The following CLEC1A variants were observed in gnomAD, a reference collection of about 807,000 sequenced individuals.
CLEC1A encodes the protein C-type lectin-like receptor-1.
CLEC1A carries 34 observed loss-of-function variants against 28.7 expected under a neutral mutation model. The observed-to-expected ratio is 1.18, with a 90% CI of 0.90 to 1.57. The LOEUF (loss-of-function observed/expected upper bound fraction) is 1.57. CLEC1A is among the 40% of genes most tolerant of loss of function. The pLI, the probability that CLEC1A is intolerant of heterozygous loss-of-function variation, is 0.00. For synonymous variants in CLEC1A, 116 were observed against 121.0 expected, an observed-to-expected ratio of 0.96 and a Z score of 0.27; for missense variants, 385 against 339.5, an observed-to-expected ratio of 1.13 and a Z score of -1.05.
At chr12:10,094,957 T>C (rs867996690) in intron 1 of CLEC1A, among the ~76,000 whole-genome samples, 4 of 60,046 alleles carry the variant, frequency 6.7e-5, no homozygotes, top group South Asian at 3.4e-4. Flanking sequence ...AAAACTAAAC[T>C]CAATCAGTAA....
rs1332747042 is a variant in CLEC1A, at chr12:10,069,678, A to G, written c.*1655T>C. On this transcript the variant is annotated 3_prime_UTR_variant, in exon 6 of 6. Coordinates refer to ENST00000315330, the MANE Select transcript of CLEC1A (RefSeq NM_016511.4). ...TGACTTGCCTAATAAGTAAATCAGA[A>G]TAAGAGGTCTAAAATCTTCATTTTC... 6.6e-6 allele frequency: 1 copy of G among 152,220 alleles called. No individual in the cohort carries two copies. Among genetic ancestry groups the G allele is most frequent in the African/African-American group, 2.4e-5 (1 of 41,466 alleles). 9.4% of individuals were successfully genotyped at this position (152,220 alleles called of 1,614,324 possible).
Position 10,078,074 on chromosome 12 carries a change from A to G in CLEC1A, c.392-2419T>C, listed in dbSNP as rs530720577. ...CACAAACAATATCCTAGTTAGAAGA[A>G]CCATCATATTTCTCCTAGATTTTAG... On this transcript the variant is annotated intron_variant, in intron 3 of 5. Coordinates refer to ENST00000315330, the MANE Select transcript of CLEC1A (RefSeq NM_016511.4). Among the ~76,000 whole-genome samples, 11 of 152,150 alleles carry G rather than the reference A, an allele frequency of 7.2e-5. 1 individual carries two copies. The highest frequency in any genetic ancestry group is 1.6e-4 in the Non-Finnish European group (11 of 68,028).
intron 2 of CLEC1A, among the ~76,000 whole-genome samples, 186 bp downstream of exon 2, chr12:10,088,938 A>T (rs1321728384): frequency 1.1e-5 from 1 of 90,016 alleles, no homozygotes; most frequent in Non-Finnish European, 3.4e-5. Context: ...CTAGTTGGCA[A>T]CTGATTTTTT....
At chr12:10,072,108 G>A (rs546325651) in intron 5 of CLEC1A, among the ~76,000 whole-genome samples, 1 of 152,242 alleles carries the variant, frequency 6.6e-6, no homozygotes, top group East Asian at 1.9e-4. Context: ...CCTCTTCTTG[G>A]TGATGAGTGA....
At position 10,070,775 on chromosome 12, in the gene CLEC1A, T is replaced by A. The variant is rs1866108805; in HGVS notation, c.*558A>T. On this transcript the variant is annotated 3_prime_UTR_variant, in exon 6 of 6. Transcript: ENST00000315330. ...GGCATTGAGATTTGAGATTCTCATA[T>A]CAAGTGACATCCCTGTTGGGAAACG... 1 of 152,288 alleles carries A rather than the reference T, an allele frequency of 6.6e-6. No homozygotes were observed. Among genetic ancestry groups the A allele is most frequent in the African/African-American group, 2.4e-5 (1 of 41,454 alleles). 9.4% of individuals were successfully genotyped at this position (152,288 alleles called of 1,614,324 possible).
intron 1 of CLEC1A, among the ~76,000 whole-genome samples, chr12:10,095,692 C>T (rs543539996): frequency 6.6e-6 from 1 of 152,254 alleles, no homozygotes; most frequent in East Asian, 1.9e-4. Context: ...CTTCCTTTCG[C>T]TTAAACTCTC....
In CLEC1A at chr12:10,081,049, GA is replaced by G. The variant is rs202028411; in HGVS notation, c.391+187del. ...AATGTCTGCATTTGAAGAGTCCCTT[GA>G]TGCATGGTATCACAGACACATATGA... On this transcript the variant is annotated intron_variant, in intron 3 of 5. Transcript: ENST00000315330. Among the ~76,000 whole-genome samples the G allele has an allele frequency of 5.4e-3, 816 of 152,252 alleles. 3 individuals carry two copies. The highest frequency in any genetic ancestry group is 0.019 in the African/African-American group (798 of 41,518).
chr12:10,091,059 A>C (rs1403763797), intron 1 of CLEC1A, among the ~76,000 whole-genome samples: 1 of 152,170 alleles, frequency 6.6e-6, no homozygotes, highest in Non-Finnish European at 1.5e-5. Context: ...CTGCCTCTGC[A>C]TTAATTTCAG....
chr12:10,078,306 C>T (rs1866296799), intron 3 of CLEC1A, among the ~76,000 whole-genome samples: 2 of 152,198 alleles, frequency 1.3e-5, no homozygotes, highest in African/African-American at 2.4e-5. Flanking sequence ...TCTACCTAGC[C>T]TCCTGTTAGT....
In CLEC1A at chr12:10,075,497, A is replaced by G. The variant is rs1418316537; in HGVS notation, c.543+7T>C. On this transcript the variant is annotated splice_region_variant and intron_variant, in intron 4 of 5. Coordinates refer to ENST00000315330, the MANE Select transcript of CLEC1A (RefSeq NM_016511.4). ...CCTTCAAACATTGAAAAGCCTCAGA[A>G]TCTTACCAGGTCTTCTTGTTTGTTT... 6.2e-7 allele frequency: 1 copy of G among 1,613,426 alleles called. No homozygotes were observed.
chr12:10,079,937 T>A (rs1565601605), intron 3 of CLEC1A, among the ~76,000 whole-genome samples: 1 of 152,232 alleles, frequency 6.6e-6, no homozygotes, highest in Non-Finnish European at 1.5e-5. Context: ...AGCCTCAGCC[T>A]GTCAAGTAGT....
At chr12:10,093,614 C>T (rs1947737608) in intron 1 of CLEC1A, among the ~76,000 whole-genome samples, 1 of 151,646 alleles carries the variant, frequency 6.6e-6, no homozygotes. Flanking sequence ...CTATGAAATG[C>T]AAAAGGTCTT....
intron 2 of CLEC1A, among the ~76,000 whole-genome samples, chr12:10,083,559 A>G (rs2401616): frequency 0.78 from 119,293 of 152,134 alleles, 48,108 homozygotes; most frequent in Middle Eastern, 0.88. Context: ...ACCTGGATCT[A>G]CCTCCCAGGT....
At position 10,071,249 on chromosome 12, in the gene CLEC1A, T is replaced by G. The variant is rs1031354911; in HGVS notation, c.*84A>C. ...AGTCAGAGAGATAGTCTTTCCTGAT[T>G]ATGTTCCATTTCCCAATGTCTCAAC... is the stretch of plus-strand genomic sequence containing the variant. On this transcript the variant is annotated 3_prime_UTR_variant, in exon 6 of 6. Coordinates refer to ENST00000315330, the MANE Select transcript of CLEC1A (RefSeq NM_016511.4). 7.8e-7 allele frequency: 1 copy of G among 1,278,918 alleles called. No homozygotes were observed. The highest frequency in any genetic ancestry group is 1.1e-6 in the Non-Finnish European group (1 of 913,006). The allele number at this position is 1,278,918 out of a possible 1,614,324, so 79.2% of individuals were successfully genotyped here. A position where few individuals can be genotyped will look rare whatever the true frequency, so the allele number is the denominator to read the frequency against.
At chr12:10,091,735 A>G (rs963062384) in intron 1 of CLEC1A, among the ~76,000 whole-genome samples, 2 of 152,080 alleles carry the variant, frequency 1.3e-5, no homozygotes, top group African/African-American at 2.4e-5. Context: ...GTAAACTTCC[A>G]TACAGTCCAA....
At chr12:10,084,724 G>C (rs1168634094) in intron 2 of CLEC1A, among the ~76,000 whole-genome samples, 5 of 150,934 alleles carry the variant, frequency 3.3e-5, no homozygotes, top group Non-Finnish European at 5.9e-5. Context: ...CAGAATGCTG[G>C]GGCAGGAGAA....
chr12:10,079,683 G>A (rs1866325874), intron 3 of CLEC1A, among the ~76,000 whole-genome samples: 1 of 151,868 alleles, frequency 6.6e-6, no homozygotes. Flanking sequence ...TTAGCCAGAT[G>A]TGGTGGTGCA....
At chr12:10,089,313 A>C (rs1252361519) in intron 1 of CLEC1A, 91 bp from the exon 2 acceptor site, 8 of 1,019,648 alleles carry the variant, frequency 7.8e-6, no homozygotes, top group South Asian at 7.0e-5. Context: ...TTAATTCTGC[A>C]CAAGAACAAA....
At chr12:10,077,757 C>CT (rs890133718) in intron 3 of CLEC1A, among the ~76,000 whole-genome samples, 11 of 151,390 alleles carry the variant, frequency 7.3e-5, no homozygotes, top group South Asian at 6.3e-4. Context: ...GGCTAATCGT[C>CT]TTTTTTTTTC....
Sources: gnomAD v4.1 joint callset for allele counts (sites outside exome capture counted in the v4.1 genomes callset) on GRCh38, gnomAD v4.1.1 for gene constraint, MANE v1.5 for transcripts, NCBI Gene and HGNC (gene_info 2026-07-23, HGNC 2026-07-21) for gene names.